Variants in CLEC19A observed in about 807,000 individuals in gnomAD.
CLEC19A encodes C-type lectin domain family 19 member A.
A neutral mutation model predicts 26.1 loss-of-function variants in CLEC19A; 21 were observed. The ratio of observed to expected loss-of-function variants is 0.80; its 90% CI spans 0.57 to 1.16. The LOEUF (loss-of-function observed/expected upper bound fraction) is 1.16, where lower values mean the gene tolerates loss of function less well. Among genes scored for constraint, CLEC19A ranks in the 50% most tolerant of loss-of-function variants. The pLI is 0.00. For synonymous variants in CLEC19A, 89 were observed against 88.6 expected, an observed-to-expected ratio of 1.00 and a Z score of -0.03; for missense variants, 224 against 227.6, an observed-to-expected ratio of 0.98 and a Z score of 0.10.
At chr16:19,291,401 G>T (rs1424366871) in intron 1 of CLEC19A, among the ~76,000 whole-genome samples, 1 of 152,214 alleles carries the variant, frequency 6.6e-6, no homozygotes, top group Non-Finnish European at 1.5e-5. Flanking sequence ...TCAAATCCCA[G>T]CTGGGAGCTG....
intron 1 of CLEC19A, among the ~76,000 whole-genome samples, chr16:19,293,198 G>T (rs1213914206): frequency 6.6e-6 from 1 of 152,184 alleles, no homozygotes; most frequent in Non-Finnish European, 1.5e-5. Context: ...GCCAATTCTT[G>T]TCAATTTTAT....
At chr16:19,299,161 A>G (rs1483996320) in intron 2 of CLEC19A, among the ~76,000 whole-genome samples, 1 of 152,240 alleles carries the variant, frequency 6.6e-6, no homozygotes, top group Non-Finnish European at 1.5e-5. Flanking sequence ...AGCAAATAGC[A>G]TGCCAGAAGA....
intron 4 of CLEC19A, 84 bp from the exon 5 acceptor site, chr16:19,308,920 G>C: frequency 9.2e-7 from 1 of 1,083,866 alleles, no homozygotes. Context: ...ATTGGAGATG[G>C]CTTTTACTTC....
intron 2 of CLEC19A, among the ~76,000 whole-genome samples, chr16:19,302,006 T>C (rs892786976): frequency 6.6e-6 from 1 of 152,032 alleles, no homozygotes; most frequent in Non-Finnish European, 1.5e-5. Flanking sequence ...TTATTAGTTA[T>C]AATAAACTAT....
intron 1 of CLEC19A, among the ~76,000 whole-genome samples, chr16:19,293,811 A>G (rs972631632): frequency 1.3e-5 from 2 of 152,174 alleles, no homozygotes; most frequent in Non-Finnish European, 2.9e-5. Flanking sequence ...GGTACATGAG[A>G]TATTTTGATA....
chr16:19,295,107 G>A (rs942192031), intron 1 of CLEC19A, among the ~76,000 whole-genome samples: 3 of 152,036 alleles, frequency 2.0e-5, no homozygotes, highest in Non-Finnish European at 4.4e-5. Flanking sequence ...GGCAAGGGGC[G>A]GCGATAAAAT....
At chr16:19,301,868 G>A (rs1220423279) in intron 2 of CLEC19A, among the ~76,000 whole-genome samples, 1 of 149,000 alleles carries the variant, frequency 6.7e-6, no homozygotes, top group Non-Finnish European at 1.5e-5. Flanking sequence ...TGGGATTATA[G>A]GCATGAGCCA....
chr16:19,301,139 A>T (rs1897810568), intron 2 of CLEC19A, among the ~76,000 whole-genome samples: 1 of 152,202 alleles, frequency 6.6e-6, no homozygotes, highest in Admixed American at 6.5e-5. Context: ...TAAAAAGCAA[A>T]TGCAAAAGTG....
intron 3 of CLEC19A, among the ~76,000 whole-genome samples, chr16:19,307,336 G>A (rs1184793216): frequency 6.6e-6 from 1 of 152,206 alleles, no homozygotes; most frequent in Non-Finnish European, 1.5e-5. Flanking sequence ...CACATAATAA[G>A]CCCTCAACAA....
intron 1 of CLEC19A, among the ~76,000 whole-genome samples, chr16:19,289,234 C>G (rs764730841): frequency 2.6e-5 from 4 of 152,190 alleles, no homozygotes; most frequent in Non-Finnish European, 5.9e-5. Flanking sequence ...CCCCCTCCTC[C>G]TCTATGGTCA....
rs565051269 is a variant in CLEC19A at position 19,291,555 on chromosome 16, C to G, written c.88+5616C>G. ...CAAGCATTTAACACAATGCCTGGCACACAGTGAATGCTGAGTCAGAGTTGG... is the reference window on the plus strand; with the variant it reads ...CAAGCATTTAACACAATGCCTGGCAGACAGTGAATGCTGAGTCAGAGTTGG... On this transcript the variant is annotated intron_variant, in intron 1 of 4. Coordinates refer to ENST00000636231, the MANE Select transcript of CLEC19A (RefSeq NM_001256720.2). 5.3e-5 allele frequency among the ~76,000 whole-genome samples: 8 copies of G among 152,310 alleles called. No homozygotes were observed. The South Asian group carries it at 1.5e-3, about 28-fold the overall frequency.
At chr16:19,288,866 C>T (rs768773701) in intron 1 of CLEC19A, among the ~76,000 whole-genome samples, 11 of 152,258 alleles carry the variant, frequency 7.2e-5, no homozygotes, top group East Asian at 1.9e-4. Context: ...GCTTCAGAAG[C>T]GTAGAAGGGG....
intron 1 of CLEC19A, among the ~76,000 whole-genome samples, chr16:19,298,283 G>A (rs1430721434): frequency 6.6e-6 from 1 of 151,442 alleles, no homozygotes; most frequent in East Asian, 1.9e-4. Flanking sequence ...GGGCTCGGTG[G>A]CTCACGCCTG....
intron 1 of CLEC19A, among the ~76,000 whole-genome samples, chr16:19,291,191 G>T (rs1020090260): frequency 6.6e-6 from 1 of 152,182 alleles, no homozygotes; most frequent in South Asian, 2.1e-4. Context: ...AGGCTCATGA[G>T]GTCAGAAGGC....
At chr16:19,295,219 G>T (rs940869300) in intron 1 of CLEC19A, among the ~76,000 whole-genome samples, 8 of 151,696 alleles carry the variant, frequency 5.3e-5, no homozygotes, top group Admixed American at 2.6e-4. Context: ...TGTTGTTGTT[G>T]TTTTGAGTCA....
intron 3 of CLEC19A, among the ~76,000 whole-genome samples, chr16:19,306,880 G>A (rs1406517909): frequency 6.6e-6 from 1 of 152,088 alleles, no homozygotes; most frequent in African/African-American, 2.4e-5. Context: ...ACATGACGTA[G>A]GCTCCATAAT....
At chr16:19,300,490 G>T (rs1897796922) in intron 2 of CLEC19A, among the ~76,000 whole-genome samples, 1 of 151,050 alleles carries the variant, frequency 6.6e-6, no homozygotes, top group South Asian at 2.1e-4. Context: ...TGAGGCTGCA[G>T]TGAGCCATGT....
rs181738921 is a variant in CLEC19A at position 19,291,133 on chromosome 16, C to A, written c.88+5194C>A. The stretch of plus-strand genomic sequence containing the variant: ...CTGGGATTACAGGCATGAGCCACTG[C>A]ACCTGGCCTGTGCTTATTTTTCTTA... On this transcript the variant is annotated intron_variant, in intron 1 of 4. Coordinates refer to ENST00000636231, the MANE Select transcript of CLEC19A (RefSeq NM_001256720.2). Among the ~76,000 whole-genome samples, 420 of 152,344 alleles carry A rather than the reference C, an allele frequency of 2.8e-3. 1 individual carries two copies. The highest frequency in any genetic ancestry group is 9.2e-3 in the African/African-American group (383 of 41,584).
intron 1 of CLEC19A, among the ~76,000 whole-genome samples, chr16:19,295,879 C>T (rs374055224): frequency 6.6e-6 from 1 of 152,162 alleles, no homozygotes; most frequent in East Asian, 1.9e-4. Flanking sequence ...CTCAGCAACA[C>T]CCAGCGTTAC....
Sources: allele counts gnomAD v4.1 joint callset (sites outside exome capture counted in the v4.1 genomes callset), GRCh38; gene constraint gnomAD v4.1.1; transcripts MANE v1.5; gene names NCBI Gene and HGNC (gene_info 2026-07-23, HGNC 2026-07-21).